The following DLGAP2 variants were observed in gnomAD, a reference collection of about 807,000 sequenced individuals.
The protein encoded by DLGAP2 is disks large-associated protein 2.
DLGAP2 carries 26 observed loss-of-function variants against 100.3 expected under a neutral mutation model. The observed-to-expected ratio is 0.26, with a 90% CI of 0.19 to 0.36. The LOEUF (loss-of-function observed/expected upper bound fraction) is 0.36, where lower values mean the gene tolerates loss of function less well. DLGAP2 is among the 10% of genes least tolerant of loss of function. The pLI, the probability that DLGAP2 is intolerant of heterozygous loss-of-function variation, is 1.00. For missense variants in DLGAP2, 1,858 were observed against 1,453.2 expected (o/e 1.28, Z -4.53); for synonymous variants, 886 against 630.1 (o/e 1.41, Z -6.08).
At chr8:743,215 A>G (rs1820531204) in intron 1 of DLGAP2, among the ~76,000 whole-genome samples, 2 of 152,252 alleles carry the variant, frequency 1.3e-5, no homozygotes, top group South Asian at 4.1e-4. Context: ...TGTGATAACC[A>G]TGAGGATGGA....
intron 6 of DLGAP2, chr8:1,604,484 C>G (rs955413200): frequency 1.3e-5 from 2 of 151,840 alleles, no homozygotes; most frequent in African/African-American, 2.4e-5. Flanking sequence ...TGGGGCTGAC[C>G]TCACCCTTCT....
At chr8:1,459,917 C>G (rs1798427087) in intron 3 of DLGAP2, among the ~76,000 whole-genome samples, 1 of 152,136 alleles carries the variant, frequency 6.6e-6, no homozygotes, top group South Asian at 2.1e-4. Flanking sequence ...AACTCCTGAT[C>G]TCAAGTGATC....
intron 5 of DLGAP2, among the ~76,000 whole-genome samples, chr8:1,551,267 G>A (rs1801756680): frequency 6.6e-6 from 1 of 152,212 alleles, no homozygotes; most frequent in Non-Finnish European, 1.5e-5. Context: ...GTTTAGAGAA[G>A]CCTGGTAGAA....
intron 2 of DLGAP2, among the ~76,000 whole-genome samples, chr8:1,044,008 A>C (rs1049146771): frequency 1.3e-5 from 2 of 152,042 alleles, no homozygotes; most frequent in African/African-American, 4.8e-5. Flanking sequence ...TTCCCAAAGG[A>C]CGGAGCACAA....
chr8:1,698,104 A>G (rs180829296), intron 14 of DLGAP2, among the ~76,000 whole-genome samples: 4 of 152,372 alleles, frequency 2.6e-5, no homozygotes, highest in African/African-American at 9.6e-5. Context: ...AACGAGAGCC[A>G]GATCTAGTGG....
chr8:1,652,510 AC>A (rs1461805899), intron 8 of DLGAP2, among the ~76,000 whole-genome samples: 6 of 152,188 alleles, frequency 3.9e-5, no homozygotes, highest in Non-Finnish European at 8.8e-5. Context: ...ACTGCTGCCC[AC>A]TTGCAACTAA....
At chr8:805,090 T>G (rs1166195489) in intron 1 of DLGAP2, among the ~76,000 whole-genome samples, 1 of 152,182 alleles carries the variant, frequency 6.6e-6, no homozygotes, top group Non-Finnish European at 1.5e-5. Context: ...TTCTAAAAGC[T>G]CTAGACACTT....
chr8:1,413,081 C>T lies in DLGAP2; in HGVS notation c.107-88285C>T, dbSNP rs111640088. 4.2e-3 allele frequency among the ~76,000 whole-genome samples: 637 copies of T among 152,324 alleles called. 7 individuals carry two copies. Among genetic ancestry groups the T allele is most frequent in the African/African-American group, 0.014 (598 of 41,578 alleles). ...CTCTTCTTGACCAGTGCCATTACCT[C>T]CTCAGTTCTCCTAGTGTCCCTCTGG... On this transcript the variant is annotated intron_variant, in intron 3 of 14. Coordinates refer to ENST00000637795, the MANE Select transcript of DLGAP2 (RefSeq NM_001346810.2).
chr8:1,428,370 C>T (rs1330353807), intron 3 of DLGAP2, among the ~76,000 whole-genome samples: 1 of 151,798 alleles, frequency 6.6e-6, no homozygotes, highest in Admixed American at 6.6e-5. Context: ...AACTTACTAC[C>T]AGTAAATAAA....
chr8:936,584 C>T (rs1006857656), intron 2 of DLGAP2, among the ~76,000 whole-genome samples: 5 of 152,158 alleles, frequency 3.3e-5, no homozygotes, highest in Admixed American at 1.3e-4. Context: ...TGACAGAACA[C>T]GACTGAGGCA....
intron 3 of DLGAP2, among the ~76,000 whole-genome samples, chr8:1,413,565 A>T (rs1249486004): frequency 3.3e-5 from 5 of 152,254 alleles, no homozygotes; most frequent in African/African-American, 1.2e-4. Context: ...TTGTCACAGA[A>T]AAAGTATTGC....
intron 2 of DLGAP2, among the ~76,000 whole-genome samples, chr8:994,551 C>G (rs929030948): frequency 7.2e-5 from 11 of 152,146 alleles, no homozygotes; most frequent in African/African-American, 1.2e-4. Context: ...GCTCCAGATC[C>G]TCAAGAACAG....
chr8:1,172,422 T>C (rs11136355), intron 2 of DLGAP2, among the ~76,000 whole-genome samples: 75,452 of 150,352 alleles, frequency 0.5, 19,957 homozygotes, highest in Admixed American at 0.62. Context: ...TGAATCTGAA[T>C]GTTGGCCTGC....
intron 2 of DLGAP2, among the ~76,000 whole-genome samples, chr8:1,188,945 C>A (rs1441785066): frequency 1.3e-5 from 2 of 152,102 alleles, no homozygotes; most frequent in African/African-American, 2.4e-5. Context: ...CAGGCCGGTT[C>A]CGCGGTTGGG....
chr8:1,239,341 G>C (rs1321965818), intron 2 of DLGAP2, among the ~76,000 whole-genome samples: 2 of 9,870 alleles, frequency 2.0e-4, no homozygotes, highest in Admixed American at 1.1e-3. Flanking sequence ...TCTCACATGG[G>C]GCCGTGTCTA....
chr8:1,356,557 G>A (rs2272580), intron 3 of DLGAP2, among the ~76,000 whole-genome samples: 31,152 of 152,042 alleles, frequency 0.2, 3,392 homozygotes, highest in East Asian at 0.35. Flanking sequence ...GGTCCACACT[G>A]TGAGAGTTAC....
In DLGAP2 at chr8:1,085,869, A is replaced by G. The variant is rs549690025; in HGVS notation, c.74-172982A>G. ...CACATCCCTTTGGGTATGATGGACA[A>G]TTAAAAATATTATTTCAATCCATGA... On this transcript the variant is annotated intron_variant, in intron 2 of 14. Transcript: ENST00000637795. Among the ~76,000 whole-genome samples the G allele has an allele frequency of 9.2e-5, 14 of 152,334 alleles. No homozygotes were observed. The East Asian group carries it at 2.3e-3, about 25-fold the overall frequency.
At chr8:1,106,459 G>A (rs982705531) in intron 2 of DLGAP2, among the ~76,000 whole-genome samples, 2 of 149,536 alleles carry the variant, frequency 1.3e-5, no homozygotes, top group African/African-American at 2.5e-5. Context: ...GCCATTCAAG[G>A]AGGGTTTTCT....
Position 986,901 on chromosome 8 carries a change from C to T in DLGAP2, c.73+78935C>T, listed in dbSNP as rs558895298. On this transcript the variant is annotated intron_variant, in intron 2 of 14. Coordinates refer to ENST00000637795, the MANE Select transcript of DLGAP2 (RefSeq NM_001346810.2). ...TCTCAAACTCCTGACCTCCAGTGAT[C>T]CACCCGTCTCGACCTTCCAGAGTAC... Among the ~76,000 whole-genome samples the T allele has an allele frequency of 3.3e-5, 5 of 152,244 alleles. No homozygotes were observed. The South Asian group carries it at 1.0e-3, about 32-fold the overall frequency.
Sources: allele counts gnomAD v4.1 joint callset (sites outside exome capture counted in the v4.1 genomes callset), GRCh38; gene constraint gnomAD v4.1.1; transcripts MANE v1.5; gene names NCBI Gene and HGNC (gene_info 2026-07-23, HGNC 2026-07-21).